RUNX2: variants seen among roughly 807,000 people sequenced by gnomAD.
RUNX2 encodes RUNX family transcription factor 2.
Under a neutral mutation model 51.7 loss-of-function variants are expected in RUNX2, and 10 were observed. The ratio of observed to expected loss-of-function variants is 0.19; its 90% CI spans 0.12 to 0.33. The LOEUF is 0.33. Among genes scored for constraint, RUNX2 ranks in the 10% least tolerant of loss-of-function variants. RUNX2 has a pLI of 1.00. For synonymous variants in RUNX2, 276 were observed against 273.6 expected, an observed-to-expected ratio of 1.01 and a Z score of -0.09; for missense variants, 562 against 691.3, an observed-to-expected ratio of 0.81 and a Z score of 2.10.
intron 2 of RUNX2, among the ~76,000 whole-genome samples, chr6:45,345,368 A>C (rs1267226574): frequency 6.6e-6 from 1 of 152,116 alleles, no homozygotes; most frequent in Non-Finnish European, 1.5e-5. Context: ...GCAGACTTTT[A>C]CCTTCTAGAT....
chr6:45,340,588 T>G (rs542585751), intron 2 of RUNX2, among the ~76,000 whole-genome samples: 9 of 152,018 alleles, frequency 5.9e-5, no homozygotes, highest in Non-Finnish European at 1.2e-4. Flanking sequence ...TCTCCCAAAG[T>G]GCTGAGATTA....
rs74349315 is a variant in RUNX2 at position 45,510,571 on chromosome 6, T to A, written c.860-1675T>A. Among the ~76,000 whole-genome samples, 790 of 152,244 alleles carry A rather than the reference T, an allele frequency of 5.2e-3. 7 individuals are homozygous for A. Among genetic ancestry groups the A allele is most frequent in the African/African-American group, 0.018 (740 of 41,546 alleles). On this transcript the variant is annotated intron_variant, in intron 6 of 8. Coordinates refer to ENST00000647337, the MANE Select transcript of RUNX2 (RefSeq NM_001024630.4). ...AAAAATCCGCATCTTATTATACTCATTTTTACTTTTAGAGATAAACCTGAA... is the reference window on the plus strand; with the variant it reads ...AAAAATCCGCATCTTATTATACTCAATTTTACTTTTAGAGATAAACCTGAA...
intron 2 of RUNX2, among the ~76,000 whole-genome samples, chr6:45,360,303 G>A (rs1794029201): frequency 6.6e-6 from 1 of 152,140 alleles, no homozygotes; most frequent in Non-Finnish European, 1.5e-5. Context: ...AATGGCATAT[G>A]GAAGTACTCA....
At chr6:45,339,365 C>T (rs1789285731) in intron 2 of RUNX2, among the ~76,000 whole-genome samples, 1 of 152,032 alleles carries the variant, frequency 6.6e-6, no homozygotes, top group Non-Finnish European at 1.5e-5. Flanking sequence ...AGATTGTGAG[C>T]CAATAGATAG....
chr6:45,499,734 C>G (rs1392086674), intron 6 of RUNX2, among the ~76,000 whole-genome samples: 2 of 152,228 alleles, frequency 1.3e-5, no homozygotes, highest in African/African-American at 4.8e-5. Flanking sequence ...ATAGTTAACA[C>G]TTAGTTGTGA....
chr6:45,549,018 A>G lies in RUNX2; in HGVS notation c.*1713A>G, dbSNP rs1261216501. ...GCCTTTGACATTTGTATTTCTTACA[A>G]TGGAGGGCCAAGGAGGGCAAGGGGC... On this transcript the variant is annotated 3_prime_UTR_variant, in exon 9 of 9. Coordinates refer to ENST00000647337, the MANE Select transcript of RUNX2 (RefSeq NM_001024630.4). The G allele has an allele frequency of 2.5e-6, 1 of 397,890 alleles. No individual in the cohort carries two copies. Among genetic ancestry groups the G allele is most frequent in the Non-Finnish European group, 4.4e-6 (1 of 225,998 alleles). 24.6% of individuals were successfully genotyped at this position (397,890 alleles called of 1,614,324 possible). A position where few individuals can be genotyped will look rare whatever the true frequency, so the allele number is the denominator to read the frequency against.
intron 5 of RUNX2, among the ~76,000 whole-genome samples, chr6:45,468,834 C>T (rs896544125): frequency 6.6e-6 from 1 of 152,126 alleles, no homozygotes; most frequent in Non-Finnish European, 1.5e-5. Context: ...GCTGCACACC[C>T]CCAATCATGT....
At chr6:45,391,203 T>C (rs1797461716) in intron 2 of RUNX2, among the ~76,000 whole-genome samples, 1 of 152,212 alleles carries the variant, frequency 6.6e-6, no homozygotes, top group Non-Finnish European at 1.5e-5. Context: ...AGCTGGGGCC[T>C]GGTTGAAGGT....
At chr6:45,419,063 A>G (rs1289990726) in intron 2 of RUNX2, among the ~76,000 whole-genome samples, 5 of 152,252 alleles carry the variant, frequency 3.3e-5, no homozygotes, top group African/African-American at 9.6e-5. Flanking sequence ...AGGACAAAAC[A>G]GCGATGGAGA....
intron 5 of RUNX2, among the ~76,000 whole-genome samples, chr6:45,475,317 C>T (rs774994790): frequency 1.3e-5 from 2 of 151,900 alleles, no homozygotes; most frequent in South Asian, 2.1e-4. Context: ...GAAGTCAAGG[C>T]GTTTGAGCTG....
intron 6 of RUNX2, among the ~76,000 whole-genome samples, chr6:45,496,717 G>A (rs1050972942): frequency 2.0e-5 from 3 of 152,140 alleles, no homozygotes; most frequent in African/African-American, 7.2e-5. Context: ...GGGATGTGAA[G>A]CAAGGGAATG....
At chr6:45,339,525 G>A (rs1164940123) in intron 2 of RUNX2, among the ~76,000 whole-genome samples, 1 of 152,002 alleles carries the variant, frequency 6.6e-6, no homozygotes, top group Non-Finnish European at 1.5e-5. Flanking sequence ...TCCAATAGAG[G>A]TGATAGTCAA....
chr6:45,357,754 A>C (rs1793503317), intron 2 of RUNX2, among the ~76,000 whole-genome samples: 1 of 152,166 alleles, frequency 6.6e-6, no homozygotes, highest in African/African-American at 2.4e-5. Flanking sequence ...AGCTACCAGA[A>C]ATTTTGTAAA....
intron 7 of RUNX2, among the ~76,000 whole-genome samples, chr6:45,529,132 A>C (rs1335416979): frequency 6.6e-6 from 1 of 152,242 alleles, no homozygotes; most frequent in Non-Finnish European, 1.5e-5. Context: ...GATCTTATGC[A>C]GATATGAACA....
intron 5 of RUNX2, among the ~76,000 whole-genome samples, chr6:45,444,141 C>A (rs566895034): frequency 6.6e-6 from 1 of 152,232 alleles, no homozygotes; most frequent in African/African-American, 2.4e-5. Flanking sequence ...TGAGCCACTG[C>A]GCCTGGCCAA....
intron 2 of RUNX2, chr6:45,377,945 TG>T (rs532035127): frequency 5.4e-4 from 63 of 116,476 alleles, no homozygotes; most frequent in African/African-American, 1.4e-3. Flanking sequence ...GACGGGGCGA[TG>T]GGGGGGGTAC....
Position 45,550,760 on chromosome 6 carries a change from T to A in RUNX2, c.*3455T>A, listed in dbSNP as rs1039958150. ...AATTTCTTAGGTATTCTGAATAAAA[T>A]TCCATTTCTTTTGGATATGCTTTAC... is the stretch of plus-strand genomic sequence containing the variant. On this transcript the variant is annotated 3_prime_UTR_variant, in exon 9 of 9. Transcript: ENST00000647337. 6.5e-6 allele frequency: 1 copy of A among 152,682 alleles called. No individual in the cohort carries two copies. The highest frequency in any genetic ancestry group is 1.5e-5 in the Non-Finnish European group (1 of 68,032). The allele number at this position is 152,682 out of a possible 1,614,324, so 9.5% of individuals were successfully genotyped here.
intron 7 of RUNX2, among the ~76,000 whole-genome samples, chr6:45,531,546 A>G (rs891578723): frequency 7.7e-4 from 117 of 152,182 alleles, no homozygotes; most frequent in African/African-American, 2.7e-3. Context: ...CAAGGTCAAG[A>G]GATCGAGACC....
chr6:45,414,162 G>A (rs967943334), intron 2 of RUNX2, among the ~76,000 whole-genome samples: 1 of 152,176 alleles, frequency 6.6e-6, no homozygotes, highest in Non-Finnish European at 1.5e-5. Flanking sequence ...CTTTTTAGAT[G>A]AAGGAAGGTA....
Sources: gnomAD v4.1 joint callset for allele counts (sites outside exome capture counted in the v4.1 genomes callset) on GRCh38, gnomAD v4.1.1 for gene constraint, MANE v1.5 for transcripts, NCBI Gene and HGNC (gene_info 2026-07-23, HGNC 2026-07-21) for gene names.